The following FOCAD variants were observed in gnomAD, a reference collection of about 807,000 sequenced individuals.
FOCAD encodes focadhesin.
In FOCAD, 198 loss-of-function variants were observed where a neutral mutation model predicts 225.6. The ratio of observed to expected loss-of-function variants is 0.88; its 90% CI spans 0.78 to 0.99. The LOEUF (loss-of-function observed/expected upper bound fraction) is 0.99. Among genes scored for constraint, FOCAD ranks in the 50% least tolerant of loss-of-function variants. The pLI, the probability that FOCAD is intolerant of heterozygous loss-of-function variation, is 0.00. For synonymous variants in FOCAD, 897 were observed against 755.0 expected, an observed-to-expected ratio of 1.19 and a Z score of -3.08; for missense variants, 2,713 against 2,123.6, an observed-to-expected ratio of 1.28 and a Z score of -5.46.
At chr9:20,683,855 GAAAC>G (rs1822490912), upstream of FOCAD, 1 of 152,148 alleles carries the variant, frequency 6.6e-6, no homozygotes. Context: ...TTTCCCCCGA[GAAAC>G]AAAATCTCCA....
chr9:20,783,583 A>G (rs538422909), intron 10 of FOCAD, among the ~76,000 whole-genome samples: 1 of 143,676 alleles, frequency 7.0e-6, no homozygotes, highest in South Asian at 2.2e-4. Flanking sequence ...TGACTATTGG[A>G]TTTTTTTTTT....
chr9:20,718,634 T>C (rs533092228), intron 3 of FOCAD, among the ~76,000 whole-genome samples: 2 of 152,358 alleles, frequency 1.3e-5, no homozygotes, highest in East Asian at 3.9e-4. Context: ...ACTTCACTAA[T>C]TGGCATTTTT....
chr9:20,988,273 C>G (rs1358059685), intron 40 of FOCAD, 59 bp from the exon 41 acceptor site: 2 of 1,033,466 alleles, frequency 1.9e-6, no homozygotes, highest in Admixed American at 2.0e-5. Flanking sequence ...TGTTACTGAT[C>G]TGTTTTACAT....
intron 11 of FOCAD, among the ~76,000 whole-genome samples, chr9:20,803,218 A>G (rs1822034565): frequency 6.6e-6 from 1 of 152,038 alleles, no homozygotes; most frequent in Non-Finnish European, 1.5e-5. Context: ...AAGAAGAGGG[A>G]GGATTGCTGG....
intron 6 of FOCAD, among the ~76,000 whole-genome samples, chr9:20,762,814 G>GCC (rs10675759): frequency 0.34 from 51,072 of 151,804 alleles, 9,084 homozygotes; most frequent in Non-Finnish European, 0.39. Context: ...TTCAGCCCTT[G>GCC]CCCCTCCTTC....
In FOCAD at chr9:20,916,864, C is replaced by T. The variant is rs185895667; in HGVS notation, c.2808-29C>T. 42 of 1,584,536 alleles carry T rather than the reference C, an allele frequency of 2.7e-5. No homozygotes were observed. In the Admixed American group the frequency reaches 7.8e-4, roughly 29 times the overall value. ...GAATGATTTCTTGTTCTAACATAAA[C>T]TCTCGTCTATTTTCCATCTTTATTG... On this transcript the variant is annotated intron_variant, in intron 23 of 43. Transcript: ENST00000338382.
chr9:20,660,000 A>G (rs1164323936), intron 2 of FOCAD, among the ~76,000 whole-genome samples: 4 of 152,232 alleles, frequency 2.6e-5, no homozygotes, highest in Non-Finnish European at 4.4e-5. Context: ...ATATGCCATC[A>G]AGGCCTGAAG....
intron 15 of FOCAD, among the ~76,000 whole-genome samples, chr9:20,845,950 A>G (rs1477476357): frequency 6.6e-6 from 1 of 152,188 alleles, no homozygotes; most frequent in Non-Finnish European, 1.5e-5. Context: ...AATAAATGTG[A>G]AAATAGAAGG....
intron 5 of FOCAD, among the ~76,000 whole-genome samples, chr9:20,753,165 T>G (rs1478589379): frequency 1.3e-5 from 2 of 152,148 alleles, no homozygotes; most frequent in African/African-American, 4.8e-5. Context: ...TCCTCCTGCC[T>G]AATTGCCCTG....
intron 1 of FOCAD, among the ~76,000 whole-genome samples, chr9:20,709,868 T>C (rs1245477276): frequency 6.6e-6 from 1 of 152,222 alleles, no homozygotes; most frequent in Non-Finnish European, 1.5e-5. Context: ...TTGGTATTTG[T>C]CATCTGTACT....
chr9:20,812,458 G>C (rs1255127510), intron 11 of FOCAD, among the ~76,000 whole-genome samples: 9 of 151,810 alleles, frequency 5.9e-5, no homozygotes, highest in Admixed American at 5.9e-4. Flanking sequence ...GAAAAATTAT[G>C]CTCTTTTTTT....
At chr9:20,729,774 A>T (rs986439645) in intron 4 of FOCAD, among the ~76,000 whole-genome samples, 1 of 152,266 alleles carries the variant, frequency 6.6e-6, no homozygotes, top group South Asian at 2.1e-4. Context: ...TCTAGCTTTG[A>T]AACATAATTG....
chr9:20,670,588 G>A (rs1822034502), intron 2 of FOCAD, among the ~76,000 whole-genome samples: 1 of 152,050 alleles, frequency 6.6e-6, no homozygotes, highest in African/African-American at 2.4e-5. Flanking sequence ...GAACAGCATG[G>A]GGGAAACCAC....
chr9:20,681,407 T>A (rs1473388472), upstream of FOCAD, among the ~76,000 whole-genome samples: 1 of 152,208 alleles, frequency 6.6e-6, no homozygotes, highest in Non-Finnish European at 1.5e-5. Context: ...GAGAGGGTAC[T>A]TTTAACATTA....
At chr9:20,988,067 T>A (rs147773830) in intron 40 of FOCAD, among the ~76,000 whole-genome samples, 1 of 152,342 alleles carries the variant, frequency 6.6e-6, no homozygotes, top group East Asian at 1.9e-4. Flanking sequence ...CTCCAACAAA[T>A]GCATTTTATC....
intron 15 of FOCAD, among the ~76,000 whole-genome samples, chr9:20,835,842 A>G (rs2131531825): frequency 6.6e-6 from 1 of 152,176 alleles, no homozygotes; most frequent in African/African-American, 2.4e-5. Context: ...CATCTTGCCC[A>G]GCTCCAAGAG....
At chr9:20,969,983 C>T (rs1356091773) in intron 35 of FOCAD, among the ~76,000 whole-genome samples, 1 of 101,046 alleles carries the variant, frequency 9.9e-6, no homozygotes, top group Non-Finnish European at 2.0e-5. Context: ...CAGCATTTTT[C>T]GATGACAGTT....
At chr9:20,725,238 T>G (rs1386648795) in intron 4 of FOCAD, among the ~76,000 whole-genome samples, 3 of 152,364 alleles carry the variant, frequency 2.0e-5, no homozygotes, top group African/African-American at 7.2e-5. Flanking sequence ...AGTTTGGGTC[T>G]TCAGTTTCCA....
rs184300541 is a variant in FOCAD, at chr9:20,845,684, A to G, written c.1921-16894A>G. Among the ~76,000 whole-genome samples, 119 of 152,142 alleles carry G rather than the reference A, an allele frequency of 7.8e-4. 1 individual carries two copies. In the East Asian group the frequency reaches 0.019, roughly 25 times the overall value. The stretch of plus-strand genomic sequence containing the variant: ...CCAAGGATGTATAATTACCATTTAT[A>G]AAGATTTCTCCCATATGGACTCCTA... On this transcript the variant is annotated intron_variant, in intron 15 of 43. Transcript: ENST00000338382.
Sources: allele counts gnomAD v4.1 joint callset (sites outside exome capture counted in the v4.1 genomes callset), GRCh38; gene constraint gnomAD v4.1.1; transcripts MANE v1.5; gene names NCBI Gene and HGNC (gene_info 2026-07-23, HGNC 2026-07-21).